GALK2: variants seen among roughly 807,000 people sequenced by gnomAD.
The protein encoded by GALK2 is N-acetylgalactosamine kinase.
A neutral mutation model predicts 52.4 loss-of-function variants in GALK2; 36 were observed. The ratio of observed to expected loss-of-function variants is 0.69; its 90% CI spans 0.53 to 0.91. The LOEUF is 0.91. Among genes scored for constraint, GALK2 ranks in the 40% least tolerant of loss-of-function variants. The pLI, the probability that GALK2 is intolerant of heterozygous loss-of-function variation, is 0.00. For synonymous variants in GALK2, 176 were observed against 199.1 expected (o/e 0.88, Z 0.98); for missense variants, 579 against 559.1 (o/e 1.04, Z -0.36).
At position 49,363,953 on chromosome 15, in the gene GALK2, A is replaced by G. The variant is rs140549820; in HGVS notation, c.427-3538A>G. Among the ~76,000 whole-genome samples the G allele has an allele frequency of 1.5e-3, 230 of 152,238 alleles. 1 individual carries two copies. Among genetic ancestry groups the G allele is most frequent in the African/African-American group, 5.1e-3 (214 of 41,566 alleles). On this transcript the variant is annotated intron_variant, in intron 3 of 3. Coordinates refer to the GALK2 transcript ENST00000558399. Reference sequence around the variant, plus strand: ...CACATGTTGCATGAACCTTGTGTCCAAGAGGTAAAGCCTACTTTGTCATGG... The same window carrying G: ...CACATGTTGCATGAACCTTGTGTCCGAGAGGTAAAGCCTACTTTGTCATGG...
intron 1 of GALK2, among the ~76,000 whole-genome samples, chr15:49,186,692 CCA>C (rs1411507169): frequency 1.3e-5 from 2 of 151,972 alleles, no homozygotes; most frequent in Admixed American, 1.3e-4. Context: ...GTGTGCACTA[CCA>C]CACCCAGCTA....
At chr15:49,223,121 G>A (rs1200517560) in intron 3 of GALK2, 1 of 152,116 alleles carries the variant, frequency 6.6e-6, no homozygotes, top group Non-Finnish European at 1.5e-5. Context: ...GGTATGTTGT[G>A]TGTTTAGGAA....
Position 49,328,628 on chromosome 15 carries a change from T to C in GALK2, c.*469T>C, listed in dbSNP as rs749471661. On this transcript the variant is annotated 3_prime_UTR_variant, in exon 10 of 10. Transcript: ENST00000560031. ...TTGATGATGGTGATGATGATGATGA[T>C]GACGATAGTGATGCCACACATTCTC... The C allele has an allele frequency of 1.5e-5, 24 of 1,582,398 alleles. No homozygotes were observed. Among genetic ancestry groups the C allele is most frequent in the South Asian group, 7.9e-5 (7 of 88,070 alleles).
At chr15:49,351,659 T>C (rs1047498979) in intron 3 of GALK2, among the ~76,000 whole-genome samples, 1 of 152,142 alleles carries the variant, frequency 6.6e-6, no homozygotes, top group Non-Finnish European at 1.5e-5. Context: ...TTGAGTGCTC[T>C]TGGAATCAAT....
chr15:49,223,460 A>G (rs2089946696), intron 3 of GALK2, among the ~76,000 whole-genome samples: 1 of 152,158 alleles, frequency 6.6e-6, no homozygotes, highest in African/African-American at 2.4e-5. Flanking sequence ...TGTTTGGGGT[A>G]CAGATGATCC....
rs567317302 is a variant in GALK2, at chr15:49,287,227, C to T, written c.756+3509C>T. 8.5e-5 allele frequency among the ~76,000 whole-genome samples: 13 copies of T among 152,284 alleles called. No homozygotes were observed. The East Asian group carries it at 2.5e-3, about 29-fold the overall frequency. ...GTACTTTGGTCAGCAAAATTGGCAT[C>T]TGAATTTGGCTTTTTGCTACACACT... On this transcript the variant is annotated intron_variant, in intron 7 of 9. Transcript: ENST00000560031.
At chr15:49,340,070 C>T (rs920894184) in intron 3 of GALK2, among the ~76,000 whole-genome samples, 5 of 152,146 alleles carry the variant, frequency 3.3e-5, no homozygotes, top group African/African-American at 9.7e-5. Context: ...GGGTGGGACC[C>T]GCTGAGCCAG....
intron 1 of GALK2, chr15:49,198,849 C>CCTCCCTCCCTCCCTT (rs2087474165): frequency 7.8e-6 from 1 of 128,924 alleles, no homozygotes; most frequent in Non-Finnish European, 1.6e-5. Flanking sequence ...CTCCCTCCCT[C>CCTCCCTCCCTCCCTT]CCTCCCTCCC....
Position 49,293,990 on chromosome 15 carries a change from G to A in GALK2, c.967+1453G>A, listed in dbSNP as rs112829469. Among the ~76,000 whole-genome samples the A allele has an allele frequency of 6.4e-3, 966 of 151,908 alleles. 17 individuals are homozygous for A. The highest frequency in any genetic ancestry group is 0.022 in the African/African-American group (929 of 41,408). Reference sequence around the variant, plus strand: ...TGGCAAGCACCTGTAATCCCAGCTAGTCAGGTGGCTGAGGCATGAGAATTT... The same window carrying A: ...TGGCAAGCACCTGTAATCCCAGCTAATCAGGTGGCTGAGGCATGAGAATTT... On this transcript the variant is annotated intron_variant, in intron 8 of 9. Coordinates refer to ENST00000560031, the MANE Select transcript of GALK2 (RefSeq NM_002044.4).
chr15:49,269,429 C>A (rs762181499), intron 5 of GALK2, among the ~76,000 whole-genome samples: 5 of 152,048 alleles, frequency 3.3e-5, no homozygotes, highest in Non-Finnish European at 5.9e-5. Flanking sequence ...GCCCAAGAAC[C>A]CACATTTTGG....
chr15:49,324,251 A>G (rs953398742), intron 9 of GALK2, among the ~76,000 whole-genome samples: 1 of 152,192 alleles, frequency 6.6e-6, no homozygotes, highest in Non-Finnish European at 1.5e-5. Flanking sequence ...TGTCTTCCTC[A>G]GAAGTCTTTC....
rs1425612973 is a variant in GALK2 at position 49,176,473 on chromosome 15, T to C, written c.53+6098T>C. On this transcript the variant is annotated intron_variant, in intron 1 of 9. Coordinates refer to ENST00000560031, the MANE Select transcript of GALK2 (RefSeq NM_002044.4). ...TGTATTAAGTTTGCCTCACTTTTTT[T>C]GTCTTTAGATCAACGCATGACAGAG... Among the ~76,000 whole-genome samples, 4 of 152,246 alleles carry C rather than the reference T, an allele frequency of 2.6e-5. No homozygotes were observed. In the East Asian group the frequency reaches 7.7e-4, roughly 29 times the overall value.
chr15:49,292,504 C>T lies in GALK2; in HGVS notation c.934C>T (p.Arg312Ter), dbSNP rs1038740219. 13 of 1,613,822 alleles carry T rather than the reference C, an allele frequency of 8.1e-6. No individual in the cohort carries two copies. In the Admixed American group the frequency reaches 8.3e-5, roughly 10 times the overall value. ...RCLGISLEELRTQILSPNTQD... is the reference protein window; with the variant it reads ...RCLGISLEEL ...TCTGGGAATTAGCCTGGAGGAACTC[C>T]GAACCCAAATCCTGAGTCCAAACAC... Residue 312 changes from arginine to a stop codon, truncating the protein, a stop_gained, in exon 8 of 10, where the codon CGA (arginine) becomes TGA (stop). Transcript: ENST00000560031. LOFTEE classifies it high-confidence loss of function.
exon 4 of GALK2, chr15:49,367,611 G>GT: frequency 1.3e-6 from 2 of 1,540,020 alleles, no homozygotes; most frequent in Non-Finnish European, 1.7e-6. Context: ...TAGTGCGACT[G>GT]TAAGAGGAAG....
chr15:49,269,162 A>T (rs1377562843), intron 5 of GALK2, among the ~76,000 whole-genome samples: 1 of 152,114 alleles, frequency 6.6e-6, no homozygotes, highest in African/African-American at 2.4e-5. Flanking sequence ...GTGATTTGTA[A>T]TTAGATTGTT....
At chr15:49,350,359 A>G (rs1273905010) in intron 3 of GALK2, among the ~76,000 whole-genome samples, 2 of 152,208 alleles carry the variant, frequency 1.3e-5, no homozygotes, top group Non-Finnish European at 2.9e-5. Context: ...AATGATGACA[A>G]ACATCATAAA....
intron 8 of GALK2, among the ~76,000 whole-genome samples, chr15:49,308,697 G>A (rs140743040): frequency 1.2e-4 from 18 of 152,256 alleles, no homozygotes; most frequent in South Asian, 2.1e-4. Flanking sequence ...ATCAGCTGAC[G>A]TCCAGAACTG....
chr15:49,283,074 G>A (rs906331406), intron 6 of GALK2, among the ~76,000 whole-genome samples: 2 of 152,110 alleles, frequency 1.3e-5, no homozygotes, highest in African/African-American at 4.8e-5. Context: ...AAATTTCCAT[G>A]CCCGTAGCTC....
intron 1 of GALK2, chr15:49,194,218 C>G (rs1035017145): frequency 2.6e-5 from 4 of 151,962 alleles, no homozygotes; most frequent in African/African-American, 9.7e-5. Context: ...CGCAGCTACT[C>G]GGGAGGCCGA....
Sources: allele counts gnomAD v4.1 joint callset (sites outside exome capture counted in the v4.1 genomes callset), GRCh38; gene constraint gnomAD v4.1.1; transcripts MANE v1.5; gene names NCBI Gene and HGNC (gene_info 2026-07-23, HGNC 2026-07-21).